SEC31A: variants seen among roughly 807,000 people sequenced by gnomAD.
SEC31A encodes SEC31 homolog A, COPII component.
SEC31A carries 70 observed loss-of-function variants against 151.0 expected under a neutral mutation model. The observed-to-expected ratio is 0.46, with a 90% CI of 0.38 to 0.57. The LOEUF (loss-of-function observed/expected upper bound fraction) is 0.57, where lower values mean the gene tolerates loss of function less well. Ranked by LOEUF, SEC31A falls within the 20% of genes least tolerant of loss-of-function variation. The probability of loss-of-function intolerance (pLI) is 0.00; values close to 1 mark genes in which losing one functional copy is unlikely to be tolerated. For synonymous variants in SEC31A, 475 were observed against 505.9 expected, an observed-to-expected ratio of 0.94 and a Z score of 0.82; for missense variants, 1,330 against 1,471.2, an observed-to-expected ratio of 0.90 and a Z score of 1.57.
chr4:82,892,558 A>G (rs892756540), upstream of SEC31A, among the ~76,000 whole-genome samples: 8 of 152,158 alleles, frequency 5.3e-5, no homozygotes, highest in Admixed American at 4.6e-4. Context: ...ACCTCTTTTA[A>G]TTATCCATTT....
intron 1 of SEC31A, among the ~76,000 whole-genome samples, chr4:82,883,751 C>G (rs1009407066): frequency 6.6e-6 from 1 of 151,636 alleles, no homozygotes; most frequent in Non-Finnish European, 1.5e-5. Context: ...ATTGTTTGAG[C>G]CCGGGAAGTT....
chr4:82,863,344 A>T lies in SEC31A; in HGVS notation c.1483T>A (p.Tyr495Asn). 1 of 1,581,714 alleles carries T rather than the reference A, an allele frequency of 6.3e-7. No homozygotes were observed. Among genetic ancestry groups the T allele is most frequent in the South Asian group, 1.2e-5 (1 of 85,014 alleles). ...SRGKYLELLG[Y>N]RKEDLGKKIA... ...TTCTTTCCTAGATCTTCTTTTCTGT[A>T]TCCTAGAAGTTCAAGGTATTTTCCA... Residue 495 changes from tyrosine to asparagine, a missense_variant, in exon 12 of 27, where the codon TAC (tyrosine) becomes AAC (asparagine). Physicochemically the swap from Tyr to Asn is moderately radical, Grantham distance 143. Coordinates refer to ENST00000395310, the MANE Select transcript of SEC31A (RefSeq NM_001077207.4).
At chr4:82,843,361 C>T (rs1046052516) in intron 21 of SEC31A, among the ~76,000 whole-genome samples, 2 of 152,110 alleles carry the variant, frequency 1.3e-5, no homozygotes, top group Admixed American at 6.5e-5. Context: ...TGGGGTCAAA[C>T]TCTTCACCTC....
At chr4:82,844,857 G>C (rs995591897) in intron 20 of SEC31A, among the ~76,000 whole-genome samples, 5 of 152,080 alleles carry the variant, frequency 3.3e-5, no homozygotes, top group Admixed American at 6.6e-5. Context: ...GCCATAAAGG[G>C]ATCTTTTGTT....
chr4:82,821,783 T>C (rs1250359308), intron 25 of SEC31A, among the ~76,000 whole-genome samples: 1 of 152,038 alleles, frequency 6.6e-6, no homozygotes, highest in Non-Finnish European at 1.5e-5. Context: ...TGGGTCAGTG[T>C]ATCACAAAAA....
At chr4:82,876,354 C>G (rs1021132992) in intron 4 of SEC31A, among the ~76,000 whole-genome samples, 2 of 152,180 alleles carry the variant, frequency 1.3e-5, no homozygotes, top group Non-Finnish European at 2.9e-5. Context: ...AGGTGATCCA[C>G]CTGCCTCGGC....
At chr4:82,828,689 A>AAAAAC in intron 23 of SEC31A, among the ~76,000 whole-genome samples, 1 of 150,690 alleles carries the variant, frequency 6.6e-6, no homozygotes, top group Non-Finnish European at 1.5e-5. Flanking sequence ...AAAAAAAAAA[A>AAAAAC]AAAAAAAAGA....
chr4:82,848,917 G>A lies in SEC31A; in HGVS notation c.2389C>T (p.His797Tyr), dbSNP rs200045009. ...TCGTACGGAATTTTAGGTGATTCAT[G>A]TCCTGCTACAGGCTCTCCTTGTGCT... is the stretch of plus-strand genomic sequence containing the variant. ...CRAQGEPVAG[H>Y]ESPKIPYEKQ... The change falls in exon 20 of 27, where the codon CAT (histidine) becomes TAT (tyrosine). Residue 797 changes from histidine (H) to tyrosine (Y), a missense_variant. Transcript: ENST00000395310. The A allele has an allele frequency of 4.3e-5, 70 of 1,614,022 alleles. 1 individual carries two copies. The South Asian group carries it at 6.7e-4, about 15-fold the overall frequency.
chr4:82,868,843 C>T (rs1209745024), intron 8 of SEC31A, among the ~76,000 whole-genome samples: 7 of 152,002 alleles, frequency 4.6e-5, no homozygotes, highest in Non-Finnish European at 8.8e-5. Context: ...CTACAGAACA[C>T]GCCACCACAC....
At chr4:82,896,602 A>G (rs141920217) in intron 3 of SEC31A, among the ~76,000 whole-genome samples, 248 of 152,290 alleles carry the variant, frequency 1.6e-3, no homozygotes, top group African/African-American at 5.7e-3. Context: ...TACCAAAAAT[A>G]CAAAAAATTA....
intron 6 of SEC31A, among the ~76,000 whole-genome samples, chr4:82,872,481 G>A (rs1419042270): frequency 1.3e-5 from 2 of 151,908 alleles, no homozygotes; most frequent in Non-Finnish European, 2.9e-5. Context: ...GAGCCACCGC[G>A]CCTGGCCTTA....
intron 24 of SEC31A, among the ~76,000 whole-genome samples, chr4:82,825,406 A>T (rs1281848077): frequency 6.6e-6 from 1 of 152,266 alleles, no homozygotes; most frequent in African/African-American, 2.4e-5. Flanking sequence ...GCAGTACGTT[A>T]ACACGTAGTG....
intron 6 of SEC31A, 120 bp from the exon 7 acceptor site, chr4:82,872,206 A>G (rs77041306): frequency 2.1e-5 from 15 of 711,540 alleles, no homozygotes; most frequent in South Asian, 3.7e-5. Flanking sequence ...GGCTTATTTT[A>G]TTTATGATCT....
rs1735614005 is a variant in SEC31A, at chr4:82,867,242, T to A, written c.957A>T (p.Leu319Phe). Reference protein sequence around the residue: ...IQWCPRNPAVLSAASFDGRIS... With the variant: ...IQWCPRNPAVFSAASFDGRIS... ...TACGCCCATCAAACGAAGCAGCTGA[T>A]AAGACAGCAGGATTTCGGGGACACC... The change falls in exon 9 of 27, where the codon TTA becomes TTT. Residue 319 changes from leucine to phenylalanine, a missense_variant. By Grantham distance (22) the Leu-to-Phe change is conservative. Transcript: ENST00000395310. 5 of 1,613,992 alleles carry A rather than the reference T, an allele frequency of 3.1e-6. No individual in the cohort carries two copies. In the South Asian group the frequency reaches 5.5e-5, roughly 18 times the overall value.
At chr4:82,893,643 A>G (rs1719936725), upstream of SEC31A, 1 of 152,260 alleles carries the variant, frequency 6.6e-6, no homozygotes, top group Admixed American at 6.5e-5. Context: ...AAAACAGAAA[A>G]TTAAGTCAGC....
In SEC31A at chr4:82,875,836, C is replaced by T; in HGVS notation, c.403-14G>A. 3 of 1,452,558 alleles carry T rather than the reference C, an allele frequency of 2.1e-6. No individual in the cohort carries two copies. Among genetic ancestry groups the T allele is most frequent in the Non-Finnish European group, 1.9e-6 (2 of 1,044,430 alleles). The allele number at this position is 1,452,558 out of a possible 1,614,324, so 90.0% of individuals were successfully genotyped here. ...TACCAGATTAGTCTGCAAGAAGAAA[C>T]CATAACTAAATAGCACTTATGAATA... On this transcript the variant is annotated splice_polypyrimidine_tract_variant and intron_variant, in intron 4 of 26. Coordinates refer to ENST00000395310, the MANE Select transcript of SEC31A (RefSeq NM_001077207.4).
intron 1 of SEC31A, among the ~76,000 whole-genome samples, chr4:82,882,395 C>G (rs146877950): frequency 1.0e-5 from 1 of 98,476 alleles, no homozygotes; most frequent in African/African-American, 5.2e-5. Context: ...GAGCAAGACT[C>G]TATCTCAAAA....
intron 4 of SEC31A, among the ~76,000 whole-genome samples, chr4:82,876,886 T>C (rs1374853628): frequency 6.6e-6 from 1 of 152,212 alleles, no homozygotes; most frequent in East Asian, 1.9e-4. Flanking sequence ...TTATTAAAAA[T>C]CATCAGCTGT....
intron 22 of SEC31A, among the ~76,000 whole-genome samples, chr4:82,839,875 G>C (rs1728341473): frequency 6.6e-6 from 1 of 152,256 alleles, no homozygotes; most frequent in Middle Eastern, 3.4e-3. Context: ...CTAATCTCAA[G>C]GCCACAGGCA....
Sources: gnomAD v4.1 joint callset for allele counts (sites outside exome capture counted in the v4.1 genomes callset) on GRCh38, gnomAD v4.1.1 for gene constraint, MANE v1.5 for transcripts, NCBI Gene and HGNC (gene_info 2026-07-23, HGNC 2026-07-21) for gene names.